SIGLEC7: variants seen among roughly 807,000 people sequenced by gnomAD.
The protein encoded by SIGLEC7 is sialic acid binding Ig like lectin 7.
SIGLEC7 carries 33 observed loss-of-function variants against 40.8 expected under a neutral mutation model. That is an observed-to-expected ratio of 0.81 (90% CI 0.61 to 1.08). SIGLEC7 has a LOEUF of 1.08. Among genes scored for constraint, SIGLEC7 ranks in the 50% least tolerant of loss-of-function variants. The pLI is 0.00. For missense variants in SIGLEC7, 513 were observed against 576.1 expected (o/e 0.89, Z 1.12); for synonymous variants, 242 against 237.6 (o/e 1.02, Z -0.17).
At position 51,142,740 on chromosome 19, in the gene SIGLEC7, G is replaced by A. The variant is rs368230574; in HGVS notation, c.371G>A (p.Arg124His). ...RMSDAGRYFF[R>H]MEKGNIKWNY... ...AGTGATGCGGGGAGATACTTCTTTC[G>A]TATGGAGAAAGGAAATATAAAATGG... Residue 124 changes from arginine to histidine, a missense_variant, in exon 1 of 7, where the codon CGT becomes CAT. Transcript: ENST00000317643. The surrounding 1 kb of genome is among the most constrained non-coding windows in gnomAD (Gnocchi z 5.0). 3.7e-6 allele frequency: 6 copies of A among 1,613,612 alleles called. No homozygotes were observed. The highest frequency in any genetic ancestry group is 1.1e-5 in the South Asian group (1 of 91,052).
chr19:51,144,246 G>C, intron 1 of SIGLEC7, 160 bp from the exon 2 acceptor site: 2 of 1,095,670 alleles, frequency 1.8e-6, no homozygotes, highest in Non-Finnish European at 2.6e-6. Context: ...AAAGGTCATG[G>C]GGGTGGCAGC....
At position 51,153,127 on chromosome 19, in the gene SIGLEC7, C is replaced by T. The variant is rs2122927031; in HGVS notation, c.1286C>T (p.Ser429Leu). ...PRHHGLAAHS[S>L]GEEREIQYAP... ...CACCATGGCCTGGCTGCCCACTCCT[C>T]AGGGGAGGAAAGAGAGATCCAGTAT... The change falls in exon 7 of 7, where the codon TCA becomes TTA. Residue 429 changes from serine (S) to leucine (L), a missense_variant. Physicochemically the swap from Ser to Leu is moderately radical, Grantham distance 145 (BLOSUM62 -2). Transcript: ENST00000317643. 5 of 1,609,380 alleles carry T rather than the reference C, an allele frequency of 3.1e-6. No individual in the cohort carries two copies. The highest frequency in any genetic ancestry group is 4.2e-6 in the Non-Finnish European group (5 of 1,177,804).
In SIGLEC7 at chr19:51,148,479, G is replaced by C. The variant is rs549655308; in HGVS notation, c.1221+1162G>C. Among the ~76,000 whole-genome samples the C allele has an allele frequency of 1.4e-4, 21 of 152,210 alleles. No individual in the cohort carries two copies. The South Asian group carries it at 4.4e-3, about 32-fold the overall frequency. On this transcript the variant is annotated intron_variant, in intron 6 of 6. Coordinates refer to ENST00000317643, the MANE Select transcript of SIGLEC7 (RefSeq NM_014385.4). ...CTGTGTTCGTTTGCTAAGGATAATG[G>C]CCTCCAGCTCCATCCATGTTCCCAC...
Position 51,142,612 on chromosome 19 carries a change from C to T in SIGLEC7, c.243C>T (p.Asn81=). 6.2e-7 allele frequency: 1 copy of T among 1,614,194 alleles called. No homozygotes were observed. The highest frequency in any genetic ancestry group is 8.5e-7 in the Non-Finnish European group (1 of 1,180,040). ...GCTGGAAGGCTCCAGTGGCCACAAA[C>T]AACCCAGCTTGGGCAGTGCAGGAGG... ...DISWKAPVAT[N]NPAWAVQEET... Residue 81 remains asparagine (N), a synonymous_variant, in exon 1 of 7, where the codon AAC becomes AAT. Transcript: ENST00000317643. The surrounding 1 kb of genome is among the most constrained non-coding windows in gnomAD (Gnocchi z 5.0).
In SIGLEC7 at chr19:51,145,769, CTG is replaced by C; in HGVS notation, c.761-84_761-83del. 1 of 1,489,252 alleles carries C rather than the reference CTG, an allele frequency of 6.7e-7. No individual in the cohort carries two copies. Among genetic ancestry groups the C allele is most frequent in the South Asian group, 1.2e-5 (1 of 83,922 alleles). The allele number at this position is 1,489,252 out of a possible 1,614,324, so 92.3% of individuals were successfully genotyped here. A position where few individuals can be genotyped will look rare whatever the true frequency, so the allele number is the denominator to read the frequency against. ...TCCCTGCACCAGCCTACATCACTCT[CTG>C]TTCCATTCCCCAGTCTCATTCTGTA... is the stretch of plus-strand genomic sequence containing the variant. On this transcript the variant is annotated intron_variant, in intron 3 of 6. Transcript: ENST00000317643. This position sits in a 1 kb window ranked among gnomAD's most constrained non-coding sequence, Gnocchi z 4.3.
Position 51,146,751 on chromosome 19 carries a change from C to G in SIGLEC7, c.1028-3C>G. ...CACCAAAACAATTCCAATCCATCCT[C>G]AGGCAAAATGAGGCCTGTATCAGGA... On this transcript the variant is annotated splice_region_variant and splice_polypyrimidine_tract_variant and intron_variant, in intron 4 of 6. Coordinates refer to ENST00000317643, the MANE Select transcript of SIGLEC7 (RefSeq NM_014385.4). The G allele has an allele frequency of 6.2e-7, 1 of 1,612,912 alleles. No homozygotes were observed.
rs773176986 is a variant in SIGLEC7 at position 51,147,245 on chromosome 19, G to A, written c.1149G>A (p.Ser383=). ...GAGTGAGGTCCTGCAGGAAGAAATC[G>A]GCAAGGCCAGCAGCGGACGTGGGAG... is the stretch of plus-strand genomic sequence containing the variant. ...FIVVRSCRKK[S]ARPAADVGDI... is the part of the protein sequence containing the mutation. The change falls in exon 6 of 7, where the codon TCG becomes TCA. Residue 383 remains serine (S), a synonymous_variant. Coordinates refer to ENST00000317643, the MANE Select transcript of SIGLEC7 (RefSeq NM_014385.4). 2.1e-5 allele frequency: 34 copies of A among 1,612,402 alleles called. No individual in the cohort carries two copies. The highest frequency in any genetic ancestry group is 3.3e-5 in the South Asian group (3 of 91,056).
chr19:51,142,860 G>A lies in SIGLEC7; in HGVS notation c.433+58G>A, dbSNP rs935772349. Reference sequence around the variant, plus strand: ...AAATGTGATGAGGGCTTTAGGGCACGGCTGAGACGGGACACATGTCCTGGG... The same window carrying A: ...AAATGTGATGAGGGCTTTAGGGCACAGCTGAGACGGGACACATGTCCTGGG... On this transcript the variant is annotated intron_variant, in intron 1 of 6. Transcript: ENST00000317643. This position sits in a 1 kb window ranked among gnomAD's most constrained non-coding sequence, Gnocchi z 5.0. 19 of 1,502,038 alleles carry A rather than the reference G, an allele frequency of 1.3e-5. No individual in the cohort carries two copies. The Middle Eastern group carries it at 5.4e-4, about 42-fold the overall frequency. 93.0% of individuals were successfully genotyped at this position (1,502,038 alleles called of 1,614,324 possible). A position where few individuals can be genotyped will look rare whatever the true frequency, so the allele number is the denominator to read the frequency against.
At chr19:51,148,051 A>G (rs1180492511) in intron 6 of SIGLEC7, among the ~76,000 whole-genome samples, 1 of 152,222 alleles carries the variant, frequency 6.6e-6, no homozygotes, top group Non-Finnish European at 1.5e-5. Context: ...TCATAACTGC[A>G]GCCCTGCACA....
chr19:51,145,807 C>T lies in SIGLEC7; in HGVS notation c.761-48C>T, dbSNP rs758401474. Reference sequence around the variant, plus strand: ...CAGTCTCATTCTGTATCCTTCCTCCCTGTTTCAATCACTTTGTCTCTTTGA... The same window carrying T: ...CAGTCTCATTCTGTATCCTTCCTCCTTGTTTCAATCACTTTGTCTCTTTGA... On this transcript the variant is annotated intron_variant, in intron 3 of 6. Transcript: ENST00000317643. The surrounding 1 kb of genome is among the most constrained non-coding windows in gnomAD (Gnocchi z 4.3). 2 of 1,605,486 alleles carry T rather than the reference C, an allele frequency of 1.2e-6. No individual in the cohort carries two copies. The highest frequency in any genetic ancestry group is 1.7e-5 in the Admixed American group (1 of 59,810).
rs775853318 is a variant in SIGLEC7 at position 51,153,259 on chromosome 19, C to T, written c.*14C>T. 1 of 1,540,128 alleles carries T rather than the reference C, an allele frequency of 6.5e-7. No individual in the cohort carries two copies. The highest frequency in any genetic ancestry group is 1.3e-5 in the South Asian group (1 of 77,900). On this transcript the variant is annotated 3_prime_UTR_variant, in exon 7 of 7. Transcript: ENST00000317643. ...ATCCCCAAGTAAGAAAATGCAGAGG[C>T]TCGGGCTTGTTTGAGGGTTCACGAC...
chr19:51,148,288 C>A lies in SIGLEC7; in HGVS notation c.1221+971C>A, dbSNP rs367980168. On this transcript the variant is annotated intron_variant, in intron 6 of 6. Coordinates refer to ENST00000317643, the MANE Select transcript of SIGLEC7 (RefSeq NM_014385.4). ...GTACAGATTATTTTGTCACCCAGGT[C>A]CTAAGCCTAGTACCCCACAGTTATT... Among the ~76,000 whole-genome samples, 66 of 152,256 alleles carry A rather than the reference C, an allele frequency of 4.3e-4. 9 individuals are homozygous for A. The South Asian group carries it at 6.0e-3, about 14-fold the overall frequency.
At chr19:51,147,425 C>A in intron 6 of SIGLEC7, 108 bp downstream of exon 6, 1 of 832,814 alleles carries the variant, frequency 1.2e-6, no homozygotes, top group Non-Finnish European at 1.8e-6. Context: ...TCCTCATCTC[C>A]TCCTCCTTCC....
rs1599831470 is a variant in SIGLEC7, at chr19:51,145,004, A to G, written c.760+45A>G. ...CTGGGGCTGGGGGAGCAGGGCCTTC[A>G]GCTCAGGGCAGGGCCAGGTCCCTCC... On this transcript the variant is annotated intron_variant, in intron 3 of 6. Coordinates refer to ENST00000317643, the MANE Select transcript of SIGLEC7 (RefSeq NM_014385.4). This position sits in a 1 kb window ranked among gnomAD's most constrained non-coding sequence, Gnocchi z 4.3. 1.9e-6 allele frequency: 3 copies of G among 1,579,166 alleles called. No individual in the cohort carries two copies. The African/African-American group carries it at 4.0e-5, about 21-fold the overall frequency.
At chr19:51,148,546 C>T (rs984165795) in intron 6 of SIGLEC7, among the ~76,000 whole-genome samples, 11 of 152,190 alleles carry the variant, frequency 7.2e-5, no homozygotes, top group African/African-American at 2.7e-4. Flanking sequence ...GCACAGTATT[C>T]CATGGTGTAT....
At position 51,145,706 on chromosome 19, in the gene SIGLEC7, GT is replaced by G. The variant is rs1470981435; in HGVS notation, c.761-146del. Reference sequence around the variant, plus strand: ...GTTGTCCTCAAATAAAGGTGGGCAAGTTTACATTCCCAACAGTGAGCGGTGA... The same window carrying G: ...GTTGTCCTCAAATAAAGGTGGGCAAGTTACATTCCCAACAGTGAGCGGTGA... On this transcript the variant is annotated intron_variant, in intron 3 of 6. Coordinates refer to ENST00000317643, the MANE Select transcript of SIGLEC7 (RefSeq NM_014385.4). The surrounding 1 kb of genome is among the most constrained non-coding windows in gnomAD (Gnocchi z 4.3). The G allele has an allele frequency of 1.1e-6, 1 of 896,912 alleles. No homozygotes were observed. The highest frequency in any genetic ancestry group is 1.7e-5 in the African/African-American group (1 of 59,914). The allele number at this position is 896,912 out of a possible 1,614,324, so 55.6% of individuals were successfully genotyped here.
intron 1 of SIGLEC7, 49 bp from the exon 2 acceptor site, chr19:51,144,357 T>G: frequency 6.4e-7 from 1 of 1,558,710 alleles, no homozygotes; most frequent in Non-Finnish European, 8.6e-7. Context: ...CCCCCAGGGC[T>G]GTACCATGGA....
chr19:51,149,852 A>T (rs1225249449), intron 6 of SIGLEC7, among the ~76,000 whole-genome samples: 1 of 152,016 alleles, frequency 6.6e-6, no homozygotes, highest in Non-Finnish European at 1.5e-5. Flanking sequence ...CTCATTGTAG[A>T]GTTCTTTCAC....
intron 5 of SIGLEC7, 133 bp downstream of exon 5, chr19:51,146,983 G>A (rs564566946): frequency 9.5e-7 from 1 of 1,050,718 alleles, no homozygotes; most frequent in Non-Finnish European, 1.4e-6. Context: ...CGGGTGCGTG[G>A]CAAGAATTTC....
Sources: gnomAD v4.1 joint callset for allele counts (sites outside exome capture counted in the v4.1 genomes callset) on GRCh38, gnomAD v4.1.1 for gene constraint, Gnocchi (gnomAD v3.1) non-coding constraint, MANE v1.5 for transcripts, NCBI Gene and HGNC (gene_info 2026-07-23, HGNC 2026-07-21) for gene names.